SUPV3L1: variants seen among roughly 807,000 people sequenced by gnomAD.
SUPV3L1 encodes Suv3 like RNA helicase.
A neutral mutation model predicts 70.0 loss-of-function variants in SUPV3L1; 35 were observed. The ratio of observed to expected loss-of-function variants is 0.50; its 90% CI spans 0.38 to 0.66. SUPV3L1 has a LOEUF of 0.66. Among genes scored for constraint, SUPV3L1 ranks in the 30% least tolerant of loss-of-function variants. SUPV3L1 has a pLI of 0.00. For missense variants in SUPV3L1, 777 were observed against 961.5 expected, an observed-to-expected ratio of 0.81 and a Z score of 2.54; for synonymous variants, 364 against 341.9, an observed-to-expected ratio of 1.06 and a Z score of -0.71.
intron 11 of SUPV3L1, 49 bp downstream of exon 11, chr10:69,200,548 C>T: frequency 2.0e-6 from 3 of 1,466,814 alleles, no homozygotes; most frequent in Middle Eastern, 1.8e-4. Context: ...GAGAGTCATT[C>T]TTTCCCTCAC....
intron 13 of SUPV3L1, among the ~76,000 whole-genome samples, chr10:69,207,201 CT>C (rs200192636): frequency 4.2e-4 from 61 of 146,620 alleles, no homozygotes; most frequent in East Asian, 1.2e-3. Flanking sequence ...TCTACAGCTT[CT>C]TTTTTTTTTT....
chr10:69,199,042 A>G, intron 9 of SUPV3L1, 62 bp from the exon 10 acceptor site: 1 of 1,294,806 alleles, frequency 7.7e-7, no homozygotes, highest in East Asian at 2.3e-5. Flanking sequence ...TCCAAGATGT[A>G]CTTAGCTTGA....
At chr10:69,205,487 A>G (rs1314119675) in intron 13 of SUPV3L1, among the ~76,000 whole-genome samples, 1 of 151,998 alleles carries the variant, frequency 6.6e-6, no homozygotes, top group East Asian at 1.9e-4. Flanking sequence ...CGATCCTTCC[A>G]CCTCAGCCTC....
chr10:69,184,960 A>G (rs1366450208), intron 1 of SUPV3L1, among the ~76,000 whole-genome samples: 1 of 152,232 alleles, frequency 6.6e-6, no homozygotes, highest in Non-Finnish European at 1.5e-5. Context: ...TAGTATTTTA[A>G]CATATACAAC....
intron 8 of SUPV3L1, 35 bp from the exon 9 acceptor site, chr10:69,198,337 G>T: frequency 1.3e-6 from 2 of 1,561,822 alleles, no homozygotes; most frequent in Non-Finnish European, 1.7e-6. Context: ...GTTGAGTTGG[G>T]TGTGTCATTT....
chr10:69,199,955 G>A (rs1317958118), intron 10 of SUPV3L1, among the ~76,000 whole-genome samples: 4 of 151,958 alleles, frequency 2.6e-5, no homozygotes, highest in Non-Finnish European at 5.9e-5. Flanking sequence ...AGCGGTCTTT[G>A]TGCCTCAGCC....
chr10:69,186,644 T>G, intron 3 of SUPV3L1, 94 bp downstream of exon 3: 1 of 1,040,964 alleles, frequency 9.6e-7, no homozygotes, highest in Non-Finnish European at 1.5e-6. Context: ...CTTATTTGGT[T>G]TAGAGTGGGT....
chr10:69,182,481 T>G, intron 1 of SUPV3L1: 1 of 978,260 alleles, frequency 1.0e-6, no homozygotes, highest in Non-Finnish European at 1.2e-6. Context: ...TAATTTGCCT[T>G]ATTGTATTCA....
chr10:69,184,616 T>TACACACACACACACACACACACACACAC (rs59328806), intron 1 of SUPV3L1, among the ~76,000 whole-genome samples: 1 of 146,062 alleles, frequency 6.8e-6, no homozygotes, highest in Non-Finnish European at 1.5e-5. Flanking sequence ...GAAATATAAA[T>TACACACACACACACACACACACACACAC]ACACACACAC....
chr10:69,194,981 A>G (rs754802738), intron 6 of SUPV3L1, among the ~76,000 whole-genome samples: 7 of 152,178 alleles, frequency 4.6e-5, no homozygotes, highest in African/African-American at 7.2e-5. Flanking sequence ...AGATAGTGAT[A>G]ATACTTAACC....
In SUPV3L1 at chr10:69,189,581, C is replaced by T. The variant is rs762525078; in HGVS notation, c.741+146C>T. 2.3e-4 allele frequency: 165 copies of T among 733,220 alleles called. 1 individual carries two copies. Among genetic ancestry groups the T allele is most frequent in the Non-Finnish European group, 9.5e-5 (48 of 505,320 alleles). 45.4% of individuals were successfully genotyped at this position (733,220 alleles called of 1,614,324 possible). ...AGAGGCTGTCAATTGTAAGATGTAC[C>T]ATTATTTTATATACAGTTAAGAAAG... On this transcript the variant is annotated intron_variant, in intron 5 of 14. Coordinates refer to ENST00000359655, the MANE Select transcript of SUPV3L1 (RefSeq NM_003171.5).
At position 69,188,055 on chromosome 10, in the gene SUPV3L1, G is replaced by A. The variant is rs546240287; in HGVS notation, c.572+299G>A. Among the ~76,000 whole-genome samples, 9 of 152,230 alleles carry A rather than the reference G, an allele frequency of 5.9e-5. No individual in the cohort carries two copies. In the South Asian group the frequency reaches 1.9e-3, roughly 32 times the overall value. Reference sequence around the variant, plus strand: ...TGGTGTTTTAGCTGAGCGCCTGGGTGTTAATGAGTTCTTTCCACCATGGCT... The same window carrying A: ...TGGTGTTTTAGCTGAGCGCCTGGGTATTAATGAGTTCTTTCCACCATGGCT... On this transcript the variant is annotated intron_variant, in intron 4 of 14. Coordinates refer to ENST00000359655, the MANE Select transcript of SUPV3L1 (RefSeq NM_003171.5).
chr10:69,187,561 T>A, intron 3 of SUPV3L1, 81 bp from the exon 4 acceptor site: 1 of 1,029,484 alleles, frequency 9.7e-7, no homozygotes, highest in Non-Finnish European at 1.4e-6. Flanking sequence ...CAACTTAGCT[T>A]GTTAAGAAAA....
intron 1 of SUPV3L1, 125 bp downstream of exon 1, chr10:69,180,687 T>C (rs2132258315): frequency 2.3e-6 from 3 of 1,312,330 alleles, no homozygotes; most frequent in South Asian, 2.7e-5. Flanking sequence ...ATCGTGCCTC[T>C]CAGTGTCTGC....
At chr10:69,206,285 G>A (rs1171715089) in intron 13 of SUPV3L1, among the ~76,000 whole-genome samples, 2 of 152,072 alleles carry the variant, frequency 1.3e-5, no homozygotes, top group African/African-American at 4.8e-5. Context: ...ACAAAATTGT[G>A]GCATTATTTA....
At chr10:69,202,730 G>C in intron 12 of SUPV3L1, 137 bp from the exon 13 acceptor site, 1 of 1,029,152 alleles carries the variant, frequency 9.7e-7, no homozygotes, top group East Asian at 2.4e-5. Context: ...AAGGATATGA[G>C]GGAGTGATTA....
At chr10:69,186,806 A>C (rs192543874) in intron 3 of SUPV3L1, among the ~76,000 whole-genome samples, 1 of 152,302 alleles carries the variant, frequency 6.6e-6, no homozygotes, top group East Asian at 1.9e-4. Flanking sequence ...CTCTCACACA[A>C]GTTGGAATTA....
In SUPV3L1 at chr10:69,197,063, A is replaced by T; in HGVS notation, c.1003A>T (p.Thr335Ser). The change falls in exon 8 of 15, where the codon ACA becomes TCA. Residue 335 changes from threonine (T) to serine (S), a missense_variant. By Grantham distance (58) the Thr-to-Ser change is moderately conservative. Coordinates refer to ENST00000359655, the MANE Select transcript of SUPV3L1 (RefSeq NM_003171.5). ...TGACCTGGTGATGGAGCTTATGTAC[A>T]CAACGGGGGAGGAAGTGGAGGTATT... is the stretch of plus-strand genomic sequence containing the variant. Reference protein sequence around the residue: ...AIDLVMELMYTTGEEVEVRDY... With the variant: ...AIDLVMELMYSTGEEVEVRDY... The T allele has an allele frequency of 6.2e-7, 1 of 1,614,170 alleles. No individual in the cohort carries two copies. The highest frequency in any genetic ancestry group is 8.5e-7 in the Non-Finnish European group (1 of 1,180,012).
intron 5 of SUPV3L1, 62 bp downstream of exon 5, chr10:69,189,497 G>T: frequency 6.7e-7 from 1 of 1,499,644 alleles, no homozygotes; most frequent in South Asian, 1.4e-5. Context: ...GTGGGAGTGG[G>T]AAAAGATGTT....
Sources: allele counts gnomAD v4.1 joint callset (sites outside exome capture counted in the v4.1 genomes callset), GRCh38; gene constraint gnomAD v4.1.1; transcripts MANE v1.5; gene names NCBI Gene and HGNC (gene_info 2026-07-23, HGNC 2026-07-21).